COMMD10: variants seen among roughly 807,000 people sequenced by gnomAD.
COMMD10 encodes COMM domain containing 10.
Under a neutral mutation model 28.9 loss-of-function variants are expected in COMMD10, and 33 were observed. The ratio of observed to expected loss-of-function variants is 1.14; its 90% CI spans 0.87 to 1.53. The LOEUF is 1.53. COMMD10 is among the 40% of genes most tolerant of loss of function. The pLI is 0.00. For synonymous variants in COMMD10, 110 were observed against 81.7 expected, an observed-to-expected ratio of 1.35 and a Z score of -1.87; for missense variants, 310 against 233.4, an observed-to-expected ratio of 1.33 and a Z score of -2.14.
intron 5 of COMMD10, among the ~76,000 whole-genome samples, chr5:116,161,175 TTATG>T (rs759830314): frequency 6.6e-6 from 1 of 152,120 alleles, no homozygotes. Context: ...AAACTACTGA[TTATG>T]TAGAAGGATC....
chr5:116,244,098 C>G (rs563597315), intron 5 of COMMD10, among the ~76,000 whole-genome samples: 92 of 152,192 alleles, frequency 6.0e-4, no homozygotes, highest in Middle Eastern at 3.4e-3. Context: ...CTGTGCTTCT[C>G]AAGGCAACTT....
chr5:116,143,786 C>G (rs374858777), intron 5 of COMMD10, among the ~76,000 whole-genome samples: 8 of 151,772 alleles, frequency 5.3e-5, no homozygotes, highest in African/African-American at 1.9e-4. Context: ...GAATTCAGTT[C>G]CAGAAATAGT....
chr5:116,276,299 C>T (rs1360976791), intron 5 of COMMD10, among the ~76,000 whole-genome samples: 2 of 151,722 alleles, frequency 1.3e-5, no homozygotes, highest in Non-Finnish European at 2.9e-5. Context: ...GTCACCCAGG[C>T]TGTAGTGCAA....
At chr5:116,259,026 C>G (rs1277674077) in intron 5 of COMMD10, among the ~76,000 whole-genome samples, 1 of 148,872 alleles carries the variant, frequency 6.7e-6, no homozygotes, top group Non-Finnish European at 1.5e-5. Flanking sequence ...TCTTTGTCTT[C>G]TATCTCAATA....
intron 5 of COMMD10, among the ~76,000 whole-genome samples, chr5:116,268,432 A>G (rs1750661594): frequency 6.6e-6 from 1 of 151,938 alleles, no homozygotes; most frequent in Non-Finnish European, 1.5e-5. Flanking sequence ...AATGGCAATC[A>G]TTAAAAAGTC....
intron 5 of COMMD10, among the ~76,000 whole-genome samples, chr5:116,211,227 T>C (rs547723636): frequency 1.3e-5 from 2 of 152,254 alleles, no homozygotes; most frequent in South Asian, 2.1e-4. Context: ...AGGGATACAT[T>C]CTAAGAAATG....
At chr5:116,289,173 C>G (rs933988918) in intron 5 of COMMD10, among the ~76,000 whole-genome samples, 6 of 151,796 alleles carry the variant, frequency 4.0e-5, no homozygotes, top group Non-Finnish European at 4.4e-5. Context: ...TGAGCTACCG[C>G]TCCCAGCCTT....
At chr5:116,174,714 G>A (rs1419537079) in intron 5 of COMMD10, among the ~76,000 whole-genome samples, 1 of 152,112 alleles carries the variant, frequency 6.6e-6, no homozygotes, top group Non-Finnish European at 1.5e-5. Context: ...GATAACTTGT[G>A]TCTCTCTTAC....
intron 5 of COMMD10, among the ~76,000 whole-genome samples, chr5:116,137,784 G>A (rs1472985617): frequency 6.6e-6 from 1 of 151,918 alleles, no homozygotes; most frequent in African/African-American, 2.4e-5. Flanking sequence ...CTGTCTCGAG[G>A]CTTTCCTGTT....
chr5:116,266,344 T>G (rs1308992423), intron 5 of COMMD10, among the ~76,000 whole-genome samples: 1 of 151,816 alleles, frequency 6.6e-6, no homozygotes, highest in Non-Finnish European at 1.5e-5. Flanking sequence ...AGCTGTTATA[T>G]TTTTCTTTTT....
intron 4 of COMMD10, among the ~76,000 whole-genome samples, chr5:116,110,488 C>G (rs1037993666): frequency 2.6e-5 from 4 of 152,140 alleles, no homozygotes; most frequent in African/African-American, 9.7e-5. Context: ...GTGAATCCGT[C>G]TGGTCCTGCG....
intron 5 of COMMD10, among the ~76,000 whole-genome samples, chr5:116,157,104 C>T (rs1333119133): frequency 6.6e-6 from 1 of 152,044 alleles, no homozygotes; most frequent in Non-Finnish European, 1.5e-5. Flanking sequence ...ATCAGAAGTT[C>T]CTATTTTTTC....
intron 5 of COMMD10, among the ~76,000 whole-genome samples, chr5:116,274,114 C>G (rs371917160): frequency 2.0e-5 from 3 of 151,744 alleles, no homozygotes; most frequent in Admixed American, 2.0e-4. Flanking sequence ...TGAAGAGGGT[C>G]TGAAATTTCA....
chr5:116,269,131 G>GA lies in COMMD10; in HGVS notation c.511-22378dup, dbSNP rs1047095285. On this transcript the variant is annotated intron_variant, in intron 5 of 6. Transcript: ENST00000274458. ...TTAAAAAGATAAAAATGCTTAAACA[G>GA]AAAAAAAATTGGTTTTTACTGTCAT... Among the ~76,000 whole-genome samples the GA allele has an allele frequency of 2.0e-5, 3 of 151,140 alleles. 1 individual carries two copies. Among genetic ancestry groups the GA allele is most frequent in the African/African-American group, 4.9e-5 (2 of 40,970 alleles).
chr5:116,247,800 T>G (rs913287406), intron 5 of COMMD10, among the ~76,000 whole-genome samples: 1 of 151,816 alleles, frequency 6.6e-6, no homozygotes, highest in Non-Finnish European at 1.5e-5. Context: ...ACACAAACTC[T>G]GGGGTCTATT....
At chr5:116,272,977 T>C (rs1580603079) in intron 5 of COMMD10, among the ~76,000 whole-genome samples, 1 of 151,850 alleles carries the variant, frequency 6.6e-6, no homozygotes, top group South Asian at 2.1e-4. Flanking sequence ...AAACAAGTTA[T>C]CCATTTGGAA....
chr5:116,223,848 C>G (rs976814449), intron 5 of COMMD10, among the ~76,000 whole-genome samples: 2 of 152,140 alleles, frequency 1.3e-5, no homozygotes, highest in Non-Finnish European at 2.9e-5. Context: ...TAAAATAAGG[C>G]ACTCAACATA....
chr5:116,105,147 TGA>T (rs1428339764), intron 4 of COMMD10, among the ~76,000 whole-genome samples: 1 of 152,242 alleles, frequency 6.6e-6, no homozygotes, highest in African/African-American at 2.4e-5. Context: ...CCTAGTTTAT[TGA>T]GAGTTTTTTT....
At chr5:116,200,767 T>G (rs1375812549) in intron 5 of COMMD10, among the ~76,000 whole-genome samples, 1 of 152,112 alleles carries the variant, frequency 6.6e-6, no homozygotes, top group Admixed American at 6.6e-5. Flanking sequence ...TGGTTATTTC[T>G]TAGATCTCTC....
Sources: gnomAD v4.1 joint callset for allele counts (sites outside exome capture counted in the v4.1 genomes callset) on GRCh38, gnomAD v4.1.1 for gene constraint, MANE v1.5 for transcripts, NCBI Gene and HGNC (gene_info 2026-07-23, HGNC 2026-07-21) for gene names.